Variants in TMEM132D observed in about 807,000 individuals in gnomAD.
TMEM132D encodes transmembrane protein 132D.
TMEM132D carries 21 observed loss-of-function variants against 62.3 expected under a neutral mutation model. The ratio of observed to expected loss-of-function variants is 0.34; its 90% CI spans 0.24 to 0.49. TMEM132D has a LOEUF of 0.49. Ranked by LOEUF, TMEM132D falls within the 20% of genes least tolerant of loss-of-function variation. The probability of loss-of-function intolerance (pLI) is 0.99; values close to 1 mark genes in which losing one functional copy is unlikely to be tolerated. For synonymous variants in TMEM132D, 621 were observed against 575.6 expected (o/e 1.08, Z -1.13); for missense variants, 1,346 against 1,402.8 (o/e 0.96, Z 0.65).
At chr12:129,801,725 C>T (rs1395456499) in intron 1 of TMEM132D, among the ~76,000 whole-genome samples, 16 of 150,568 alleles carry the variant, frequency 1.1e-4, no homozygotes, top group South Asian at 4.3e-4. Flanking sequence ...AGGCTTCAGA[C>T]GATCAAATTA....
rs114391650 is a variant in TMEM132D at position 129,433,963 on chromosome 12, G to A, written c.1116-96146C>T. The stretch of plus-strand genomic sequence containing the variant: ...GAAAACAGAGAAATTGATATTTCTC[G>A]CACTGTTAAATTTGTGACTTGAGAT... On this transcript the variant is annotated intron_variant, in intron 3 of 8. Transcript: ENST00000422113. 4.7e-3 allele frequency among the ~76,000 whole-genome samples: 722 copies of A among 152,270 alleles called. 6 individuals are homozygous for A. The highest frequency in any genetic ancestry group is 0.017 in the African/African-American group (693 of 41,554).
At chr12:129,321,166 T>G (rs1361599662) in intron 4 of TMEM132D, among the ~76,000 whole-genome samples, 1 of 152,228 alleles carries the variant, frequency 6.6e-6, no homozygotes, top group East Asian at 1.9e-4. Context: ...CCAGAGAAGA[T>G]AAATGAAAGC....
In TMEM132D at chr12:129,188,817, C is replaced by T. The variant is rs147572695; in HGVS notation, c.1443+20703G>A. Among the ~76,000 whole-genome samples the T allele has an allele frequency of 5.5e-3, 812 of 148,924 alleles. 10 individuals are homozygous for T. Among genetic ancestry groups the T allele is most frequent in the African/African-American group, 0.019 (753 of 39,970 alleles). ...AGAGAGAGAAAGAGAGAGATCTCAG[C>T]TTTTATGAGCTTAATCAGAAATGAA... On this transcript the variant is annotated intron_variant, in intron 5 of 8. Coordinates refer to ENST00000422113, the MANE Select transcript of TMEM132D (RefSeq NM_133448.3).
chr12:129,469,687 C>T (rs117319000), intron 3 of TMEM132D, among the ~76,000 whole-genome samples: 2,711 of 152,270 alleles, frequency 0.018, 45 homozygotes, highest in Non-Finnish European at 0.028. Flanking sequence ...GTGTGGCACT[C>T]CCTCTTTTAT....
intron 2 of TMEM132D, among the ~76,000 whole-genome samples, chr12:129,691,795 G>T (rs654234): frequency 0.25 from 37,612 of 151,502 alleles, 4,931 homozygotes; most frequent in Admixed American, 0.33. Flanking sequence ...AAACAACTCC[G>T]CTCAAAAAAT....
chr12:129,199,332 G>T (rs1049454418), intron 5 of TMEM132D, among the ~76,000 whole-genome samples: 1 of 152,014 alleles, frequency 6.6e-6, no homozygotes, highest in Non-Finnish European at 1.5e-5. Flanking sequence ...GAACTCCTGA[G>T]CTCATGTGAT....
At chr12:129,087,337 G>A (rs1192118905) in intron 5 of TMEM132D, among the ~76,000 whole-genome samples, 3 of 151,764 alleles carry the variant, frequency 2.0e-5, no homozygotes, top group Admixed American at 6.6e-5. Context: ...GTATTCCACC[G>A]TATATATACA....
At position 129,271,446 on chromosome 12, in the gene TMEM132D, G is replaced by T. The variant is rs574352208; in HGVS notation, c.1300-61783C>A. On this transcript the variant is annotated intron_variant, in intron 4 of 8. Transcript: ENST00000422113. ...CTGGGACACATGTGCAGAACATGCA[G>T]GTTTGTTACACAGGTATACGTGTAC... Among the ~76,000 whole-genome samples, 6 of 151,652 alleles carry T rather than the reference G, an allele frequency of 4.0e-5. No individual in the cohort carries two copies. In the South Asian group the frequency reaches 1.3e-3, roughly 32 times the overall value.
chr12:129,419,894 GA>G (rs1389621011), intron 3 of TMEM132D, among the ~76,000 whole-genome samples: 1 of 151,592 alleles, frequency 6.6e-6, no homozygotes, highest in Non-Finnish European at 1.5e-5. Context: ...ATTTATGTGG[GA>G]GGGGGTGGGT....
chr12:129,391,503 G>A (rs549319151), intron 3 of TMEM132D, among the ~76,000 whole-genome samples: 4 of 152,168 alleles, frequency 2.6e-5, no homozygotes, highest in Admixed American at 6.5e-5. Context: ...CCTCACCCTC[G>A]AAAGGTTCTC....
chr12:129,244,455 A>G (rs944397860), intron 4 of TMEM132D, among the ~76,000 whole-genome samples: 9 of 151,192 alleles, frequency 6.0e-5, no homozygotes, highest in African/African-American at 2.2e-4. Flanking sequence ...TCATTCAGCA[A>G]ACTTCTTGCT....
chr12:129,131,745 A>T (rs1004281144), intron 5 of TMEM132D, among the ~76,000 whole-genome samples: 2 of 152,230 alleles, frequency 1.3e-5, no homozygotes, highest in African/African-American at 4.8e-5. Flanking sequence ...AGATGATGTC[A>T]CACTTAAATA....
At chr12:129,688,460 C>T (rs1179251153) in intron 2 of TMEM132D, among the ~76,000 whole-genome samples, 1 of 152,100 alleles carries the variant, frequency 6.6e-6, no homozygotes, top group Non-Finnish European at 1.5e-5. Context: ...AAAACAACTA[C>T]CTCAGTGCAT....
intron 5 of TMEM132D, among the ~76,000 whole-genome samples, chr12:129,190,966 A>C (rs1878381708): frequency 7.5e-6 from 1 of 134,076 alleles, no homozygotes; most frequent in South Asian, 2.4e-4. Flanking sequence ...GTGTAGTCTC[A>C]GGTGTGGCCT....
At chr12:129,543,066 C>T (rs1876625930) in intron 2 of TMEM132D, among the ~76,000 whole-genome samples, 2 of 149,766 alleles carry the variant, frequency 1.3e-5, no homozygotes, top group African/African-American at 4.9e-5. Context: ...TGTCATTAAG[C>T]AATGCATGAC....
rs2137289381 is a variant in TMEM132D at position 129,779,488 on chromosome 12, T to C, written c.80-78790A>G. ...GTAGAGATGAGGTCTCATCATATTG[T>C]CCCAGGCTGGTCTCAAACTCATGGA... On this transcript the variant is annotated intron_variant, in intron 1 of 8. Coordinates refer to ENST00000422113, the MANE Select transcript of TMEM132D (RefSeq NM_133448.3). The surrounding 1 kb of genome is among the most constrained non-coding windows in gnomAD (Gnocchi z 4.1). 6.6e-6 allele frequency among the ~76,000 whole-genome samples: 1 copy of C among 152,238 alleles called. No homozygotes were observed. The highest frequency in any genetic ancestry group is 2.1e-4 in the South Asian group (1 of 4,818).
intron 2 of TMEM132D, among the ~76,000 whole-genome samples, chr12:129,568,313 A>C (rs1877421927): frequency 6.6e-6 from 1 of 152,174 alleles, no homozygotes; most frequent in African/African-American, 2.4e-5. Flanking sequence ...TTACACGACA[A>C]CCTGGAGGAG....
intron 3 of TMEM132D, among the ~76,000 whole-genome samples, chr12:129,513,508 A>T (rs189501063): frequency 6.6e-6 from 1 of 152,006 alleles, no homozygotes; most frequent in Non-Finnish European, 1.5e-5. Context: ...TTTTTGAGAC[A>T]GAGTCTCACT....
intron 7 of TMEM132D, among the ~76,000 whole-genome samples, chr12:129,079,423 T>TA (rs1874384203): frequency 6.6e-6 from 1 of 152,172 alleles, no homozygotes; most frequent in Non-Finnish European, 1.5e-5. Flanking sequence ...ACCTGGAAAA[T>TA]GAGGCTTATG....
Sources: allele counts gnomAD v4.1 joint callset (sites outside exome capture counted in the v4.1 genomes callset), GRCh38; gene constraint gnomAD v4.1.1; non-coding constraint Gnocchi (gnomAD v3.1); transcripts MANE v1.5; gene names NCBI Gene and HGNC (gene_info 2026-07-23, HGNC 2026-07-21).